Variants in AK5 observed in about 807,000 individuals in gnomAD.
AK5 encodes adenylate kinase isoenzyme 5.
A neutral mutation model predicts 69.5 loss-of-function variants in AK5; 27 were observed. The observed-to-expected ratio is 0.39, with a 90% CI of 0.29 to 0.54. The LOEUF is 0.54. Ranked by LOEUF, AK5 falls within the 20% of genes least tolerant of loss-of-function variation. The pLI is 0.71. For synonymous variants in AK5, 260 were observed against 244.4 expected (o/e 1.06, Z -0.60); for missense variants, 531 against 700.4 (o/e 0.76, Z 2.73).
chr1:77,411,927 T>C (rs950179802), intron 7 of AK5, among the ~76,000 whole-genome samples: 1 of 152,216 alleles, frequency 6.6e-6, no homozygotes, highest in Admixed American at 6.5e-5. Context: ...TCTGCCTAAC[T>C]TTCTGATGAG....
intron 8 of AK5, among the ~76,000 whole-genome samples, chr1:77,426,488 A>G (rs562126766): frequency 7.2e-5 from 11 of 152,340 alleles, no homozygotes; most frequent in African/African-American, 2.4e-4. Flanking sequence ...TAAGGCAAAA[A>G]CTAGTAGAAT....
chr1:77,549,353 C>T (rs1344973171), intron 13 of AK5, among the ~76,000 whole-genome samples: 2 of 152,054 alleles, frequency 1.3e-5, no homozygotes, highest in Non-Finnish European at 2.9e-5. Context: ...TTATGGGGTA[C>T]GTAAGCTACT....
Position 77,406,238 on chromosome 1 carries a change from C to G in AK5, c.892-4743C>G, listed in dbSNP as rs186105956. Among the ~76,000 whole-genome samples, 470 of 127,718 alleles carry G rather than the reference C, an allele frequency of 3.7e-3. 19 individuals are homozygous for G. The highest frequency in any genetic ancestry group is 0.015 in the African/African-American group (451 of 29,998). The allele number at this position is 127,718 out of a possible 152,430, so 83.8% of individuals were successfully genotyped here. ...TACCAGTTTTCAAGACACTGGACAT[C>G]AAGCAATGAAGTGGTCCCTGGTAGA... On this transcript the variant is annotated intron_variant, in intron 6 of 13. Transcript: ENST00000354567.
chr1:77,464,728 C>A (rs1342195275), intron 8 of AK5, among the ~76,000 whole-genome samples: 1 of 151,980 alleles, frequency 6.6e-6, no homozygotes, highest in Non-Finnish European at 1.5e-5. Context: ...TGGAGCAGAG[C>A]GATAACATGG....
At chr1:77,365,432 A>T (rs1646933839) in intron 6 of AK5, among the ~76,000 whole-genome samples, 1 of 152,320 alleles carries the variant, frequency 6.6e-6, no homozygotes, top group South Asian at 2.1e-4. Flanking sequence ...ACTTTGTTTC[A>T]TCTTGAAGGA....
intron 10 of AK5, among the ~76,000 whole-genome samples, chr1:77,488,396 C>CAT (rs1570244131): frequency 1.6e-4 from 3 of 18,240 alleles, no homozygotes; most frequent in South Asian, 9.6e-3. Flanking sequence ...GCATCCAGAC[C>CAT]ATACAGAGTC....
intron 2 of AK5, among the ~76,000 whole-genome samples, chr1:77,290,312 T>C (rs1196681075): frequency 6.6e-6 from 1 of 152,240 alleles, no homozygotes; most frequent in Non-Finnish European, 1.5e-5. Context: ...AATAGTTTAT[T>C]ACATTCAACA....
chr1:77,548,047 A>ATCT (rs1462952318), intron 13 of AK5, among the ~76,000 whole-genome samples: 3 of 152,170 alleles, frequency 2.0e-5, no homozygotes, highest in Non-Finnish European at 2.9e-5. Context: ...ATTTTTTTTC[A>ATCT]TATCTGCTAA....
chr1:77,518,879 C>G, intron 11 of AK5, 152 bp downstream of exon 11: 2 of 757,638 alleles, frequency 2.6e-6, no homozygotes, highest in Non-Finnish European at 4.1e-6. Flanking sequence ...CAGATGCAGG[C>G]AGGTCTACAG....
At chr1:77,369,033 A>G (rs916054921) in intron 6 of AK5, among the ~76,000 whole-genome samples, 2 of 152,296 alleles carry the variant, frequency 1.3e-5, no homozygotes, top group Admixed American at 1.3e-4. Flanking sequence ...ACCCTGATCT[A>G]TTCACCATAA....
At chr1:77,495,807 A>C (rs1656277876) in intron 10 of AK5, among the ~76,000 whole-genome samples, 1 of 151,812 alleles carries the variant, frequency 6.6e-6, no homozygotes, top group African/African-American at 2.4e-5. Flanking sequence ...ATGGAGGTGG[A>C]GGGGGAAAAT....
intron 5 of AK5, among the ~76,000 whole-genome samples, chr1:77,324,435 A>G (rs2100334349): frequency 6.6e-6 from 1 of 152,184 alleles, no homozygotes; most frequent in East Asian, 1.9e-4. Context: ...GTATAAACCA[A>G]TGGTGGCAAA....
At chr1:77,464,380 C>G (rs1397012187) in intron 8 of AK5, among the ~76,000 whole-genome samples, 2 of 152,178 alleles carry the variant, frequency 1.3e-5, no homozygotes, top group Non-Finnish European at 2.9e-5. Context: ...TTTCCGGAGA[C>G]CTCCTCCCAC....
chr1:77,535,722 G>A (rs1441419895), intron 12 of AK5, 125 bp from the exon 13 acceptor site: 1 of 794,606 alleles, frequency 1.3e-6, no homozygotes, highest in Non-Finnish European at 1.9e-6. Flanking sequence ...CTGCACCATA[G>A]TGTAATGCTG....
intron 6 of AK5, among the ~76,000 whole-genome samples, chr1:77,368,243 A>AATATATATATGT (rs1647042671): frequency 1.1e-4 from 2 of 17,664 alleles, no homozygotes; most frequent in Non-Finnish European, 2.7e-4. Context: ...ATATATATAT[A>AATATATATATGT]TATATATATA....
At chr1:77,377,020 A>T (rs1042567824) in intron 6 of AK5, among the ~76,000 whole-genome samples, 1 of 152,122 alleles carries the variant, frequency 6.6e-6, no homozygotes, top group African/African-American at 2.4e-5. Context: ...CAATTATATG[A>T]CTCTACTTGA....
intron 10 of AK5, among the ~76,000 whole-genome samples, chr1:77,512,377 A>G (rs1170450242): frequency 6.6e-6 from 1 of 152,202 alleles, no homozygotes; most frequent in Non-Finnish European, 1.5e-5. Flanking sequence ...TGTTTAATTT[A>G]AACCTTGATG....
intron 6 of AK5, among the ~76,000 whole-genome samples, chr1:77,403,256 C>T (rs953870174): frequency 6.6e-6 from 1 of 152,146 alleles, no homozygotes; most frequent in Non-Finnish European, 1.5e-5. Context: ...TGCCTGTTCA[C>T]TCTGATGGTA....
chr1:77,429,646 G>T (rs372532612), intron 8 of AK5, among the ~76,000 whole-genome samples: 1 of 151,802 alleles, frequency 6.6e-6, no homozygotes, highest in African/African-American at 2.4e-5. Context: ...AGATGTGGTT[G>T]GTGAGGTGAG....
Sources: gnomAD v4.1 joint callset for allele counts (sites outside exome capture counted in the v4.1 genomes callset) on GRCh38, gnomAD v4.1.1 for gene constraint, MANE v1.5 for transcripts, NCBI Gene and HGNC (gene_info 2026-07-23, HGNC 2026-07-21) for gene names.